Variants in USP9X observed in about 807,000 individuals in gnomAD.
USP9X encodes the protein ubiquitin specific peptidase 9 X-linked, also known as ubiquitin carboxyl-terminal hydrolase 9X.
Under a neutral mutation model 190.3 loss-of-function variants are expected in USP9X, and 7 were observed. That is an observed-to-expected ratio of 0.04 (90% confidence interval 0.02 to 0.07). USP9X has a LOEUF of 0.07. Ranked by LOEUF, USP9X falls within the 10% of genes least tolerant of loss-of-function variation. USP9X has a pLI of 1.00. For synonymous variants in USP9X, 645 were observed against 659.5 expected (o/e 0.98, Z 0.34); for missense variants, 1,010 against 1,916.9 (o/e 0.53, Z 8.83).
chrX:41,203,237 G>C (rs1219749535), intron 31 of USP9X, among the ~76,000 whole-genome samples: 1 of 111,603 alleles, frequency 9.0e-6, no homozygotes, highest in African/African-American at 3.3e-5. Context: ...TAAATGTGCA[G>C]TTGTCCTATT....
At chrX:41,128,296 T>G (rs1287814744) in intron 2 of USP9X, among the ~76,000 whole-genome samples, 1 of 112,201 alleles carries the variant, frequency 8.9e-6, no homozygotes, top group African/African-American at 3.2e-5. Flanking sequence ...ATGGGAAATG[T>G]AAGCAGAGAG....
At chrX:41,215,303 C>A (rs1439180031) in intron 34 of USP9X, among the ~76,000 whole-genome samples, 4 of 112,689 alleles carry the variant, frequency 3.5e-5, no homozygotes, top group African/African-American at 1.3e-4. Flanking sequence ...CTCCCAAACC[C>A]TTTCACCCTC....
intron 29 of USP9X, among the ~76,000 whole-genome samples, chrX:41,198,166 C>T (rs1192264369): frequency 8.9e-6 from 1 of 112,131 alleles, no homozygotes; most frequent in Non-Finnish European, 1.9e-5. Flanking sequence ...TTTTTTCATA[C>T]ATGTAGTAAC....
chrX:41,151,610 T>C (rs2062526084), intron 13 of USP9X, among the ~76,000 whole-genome samples: 1 of 112,388 alleles, frequency 8.9e-6, no homozygotes, highest in African/African-American at 3.2e-5. Context: ...GTAGAAGGAA[T>C]ATTCACAGTG....
chrX:41,115,512 T>TATCAA (rs1024221843), intron 1 of USP9X, among the ~76,000 whole-genome samples: 1 of 112,236 alleles, frequency 8.9e-6, no homozygotes, highest in Non-Finnish European at 1.9e-5. Flanking sequence ...AAGGATGATC[T>TATCAA]ATCAAATTGT....
At chrX:41,232,274 C>T in intron 44 of USP9X, 113 bp from the exon 45 acceptor site, 1 of 843,368 alleles carries the variant, frequency 1.2e-6, no homozygotes, top group Non-Finnish European at 1.6e-6. Context: ...AGGGTATTTA[C>T]AGAGTAAGTC....
rs1430063973 is a variant in USP9X at position 41,188,090 on chromosome X, TGAA to T, written c.3787_3789del (p.Glu1263del). ...CGTTACAGCTAGTATTTAGCCCAAA[TGAA>T]GAAATCACTAAAATTTATGAGAAGG... On this transcript the variant is annotated inframe_deletion, in exon 25 of 45. Coordinates refer to ENST00000378308, the MANE Select transcript of USP9X (RefSeq NM_001039591.3). The T allele has an allele frequency of 2.5e-6, 3 of 1,208,503 alleles. No homozygotes were observed. The highest frequency in any genetic ancestry group is 3.4e-6 in the Non-Finnish European group (3 of 893,664).
intron 1 of USP9X, among the ~76,000 whole-genome samples, chrX:41,095,717 C>T (rs2061985374): frequency 9.0e-6 from 1 of 111,620 alleles, no homozygotes; most frequent in African/African-American, 3.3e-5. Context: ...GGACATTTGC[C>T]TTTTACTGTT....
chrX:41,158,378 C>T (rs766450867), intron 14 of USP9X, among the ~76,000 whole-genome samples: 3 of 111,257 alleles, frequency 2.7e-5, no homozygotes, highest in Non-Finnish European at 3.8e-5. Flanking sequence ...AAAAATTAAC[C>T]GCTGACTTCT....
intron 27 of USP9X, 49 bp downstream of exon 27, chrX:41,196,408 A>G: frequency 8.6e-7 from 1 of 1,160,621 alleles, no homozygotes; most frequent in Non-Finnish European, 1.2e-6. Flanking sequence ...TCTTTAAGCA[A>G]GAAACATTCA....
chrX:41,226,367 T>C (rs2063312696), intron 41 of USP9X, among the ~76,000 whole-genome samples: 1 of 111,913 alleles, frequency 8.9e-6, no homozygotes, highest in African/African-American at 3.2e-5. Context: ...TGATAAATTA[T>C]GGTATTAGTT....
intron 38 of USP9X, among the ~76,000 whole-genome samples, chrX:41,219,685 C>T (rs963664211): frequency 6.3e-5 from 7 of 111,938 alleles, no homozygotes; most frequent in East Asian, 2.8e-4. Context: ...TATAAATACT[C>T]GCTTAAAATA....
intron 1 of USP9X, among the ~76,000 whole-genome samples, chrX:41,088,641 G>A (rs1370640748): frequency 8.9e-6 from 1 of 112,056 alleles, no homozygotes; most frequent in Non-Finnish European, 1.9e-5. Flanking sequence ...GTGAAGGTGA[G>A]GGGGGTCTTA....
At chrX:41,112,047 G>T (rs1280202965) in intron 1 of USP9X, among the ~76,000 whole-genome samples, 1 of 111,164 alleles carries the variant, frequency 9.0e-6, no homozygotes, top group African/African-American at 3.3e-5. Flanking sequence ...GTTTCTCCAC[G>T]TTGGTCAGGC....
chrX:41,180,669 T>C (rs2062817565), intron 21 of USP9X, among the ~76,000 whole-genome samples: 1 of 111,937 alleles, frequency 8.9e-6, no homozygotes, highest in African/African-American at 3.2e-5. Flanking sequence ...ATGATAACTT[T>C]TTTGTGTAAT....
intron 10 of USP9X, among the ~76,000 whole-genome samples, chrX:41,144,040 T>C (rs1384961944): frequency 3.6e-5 from 4 of 111,117 alleles, no homozygotes; most frequent in Non-Finnish European, 7.5e-5. Flanking sequence ...GTTCCAGTTT[T>C]GAAACAATAT....
At chrX:41,105,536 C>G (rs1186076672) in intron 1 of USP9X, among the ~76,000 whole-genome samples, 1 of 112,053 alleles carries the variant, frequency 8.9e-6, no homozygotes. Flanking sequence ...ATTTTATTGA[C>G]ACATTCATCT....
chrX:41,174,544 C>T (rs1044633748), intron 21 of USP9X, among the ~76,000 whole-genome samples: 4 of 111,879 alleles, frequency 3.6e-5, no homozygotes, highest in East Asian at 2.8e-4. Context: ...TCAGGTTATG[C>T]GTCTTTGGCA....
chrX:41,165,662 G>T (rs1438401664), intron 15 of USP9X, among the ~76,000 whole-genome samples: 2 of 111,914 alleles, frequency 1.8e-5, no homozygotes, highest in Non-Finnish European at 3.8e-5. Context: ...TGGGTGTTCA[G>T]TGTGTGCTTG....
Sources: gnomAD v4.1 joint callset for allele counts (sites outside exome capture counted in the v4.1 genomes callset) on GRCh38, gnomAD v4.1.1 for gene constraint, MANE v1.5 for transcripts, NCBI Gene and HGNC (gene_info 2026-07-23, HGNC 2026-07-21) for gene names.